Variants in LANCL2 observed in about 807,000 individuals in gnomAD.
The protein encoded by LANCL2 is lanC-like protein 2.
A neutral mutation model predicts 56.9 loss-of-function variants in LANCL2; 33 were observed. The observed-to-expected ratio is 0.58, with a 90% confidence interval of 0.44 to 0.78. LANCL2 has a LOEUF of 0.78. Among genes scored for constraint, LANCL2 ranks in the 30% least tolerant of loss-of-function variants. The pLI is 0.00. For missense variants in LANCL2, 562 were observed against 580.2 expected (o/e 0.97, Z 0.32); for synonymous variants, 233 against 228.2 (o/e 1.02, Z -0.19).
chr7:55,401,515 CTTTTTTTTTTTTT>C (rs58005456), intron 5 of LANCL2, among the ~76,000 whole-genome samples, 195 bp downstream of exon 5: 1,825 of 58,180 alleles, frequency 0.031, 51 homozygotes, highest in African/African-American at 0.12. Flanking sequence ...GGTATGGAGT[CTTTTTTTTTTTTT>C]TTTTTTTTTT....
intron 6 of LANCL2, among the ~76,000 whole-genome samples, chr7:55,423,428 T>C (rs1583766377): frequency 2.6e-5 from 4 of 152,250 alleles, no homozygotes; most frequent in Admixed American, 2.6e-4. Flanking sequence ...CTGGCCTCAC[T>C]GTGTGATTTC....
At chr7:55,393,655 A>G (rs897206606) in intron 2 of LANCL2, among the ~76,000 whole-genome samples, 2 of 152,168 alleles carry the variant, frequency 1.3e-5, no homozygotes, top group African/African-American at 4.8e-5. Context: ...TTATATTTAC[A>G]TTCATTTTTG....
At chr7:55,399,239 C>T (rs1271031788) in intron 3 of LANCL2, among the ~76,000 whole-genome samples, 1 of 147,904 alleles carries the variant, frequency 6.8e-6, no homozygotes, top group Non-Finnish European at 1.5e-5. Context: ...TGTCACTGCA[C>T]ACCAGCCAGG....
intron 3 of LANCL2, among the ~76,000 whole-genome samples, chr7:55,399,581 G>A (rs1790297316): frequency 6.6e-6 from 1 of 152,184 alleles, no homozygotes; most frequent in South Asian, 2.1e-4. Flanking sequence ...GACCTCAGGT[G>A]ATCCACCTAC....
At chr7:55,415,012 G>GGC (rs1790512008) in intron 6 of LANCL2, among the ~76,000 whole-genome samples, 1 of 119,004 alleles carries the variant, frequency 8.4e-6, no homozygotes, top group Non-Finnish European at 1.8e-5. Flanking sequence ...GAAAAGAAAA[G>GGC]AAAAAGGCAA....
chr7:55,403,311 C>T (rs1267007159), intron 5 of LANCL2, among the ~76,000 whole-genome samples: 7 of 152,210 alleles, frequency 4.6e-5, no homozygotes, highest in African/African-American at 7.2e-5. Context: ...GGCATGGCGG[C>T]GCGCGCCTGC....
At chr7:55,380,537 A>T (rs188103060) in intron 1 of LANCL2, among the ~76,000 whole-genome samples, 1 of 152,344 alleles carries the variant, frequency 6.6e-6, no homozygotes, top group Non-Finnish European at 1.5e-5. Context: ...TATAAAAAGC[A>T]ACTACTCAAA....
chr7:55,427,164 G>C (rs1790672797), intron 7 of LANCL2, among the ~76,000 whole-genome samples: 1 of 152,216 alleles, frequency 6.6e-6, no homozygotes, highest in African/African-American at 2.4e-5. Flanking sequence ...GAGAAAGTTA[G>C]TTCTTCCCTG....
Position 55,365,940 on chromosome 7 carries a change from G to T in LANCL2, c.-86G>T. The T allele has an allele frequency of 1.8e-6, 2 of 1,091,164 alleles. No individual in the cohort carries two copies. The highest frequency in any genetic ancestry group is 1.8e-5 in the South Asian group (1 of 54,186). 67.6% of individuals were successfully genotyped at this position (1,091,164 alleles called of 1,614,324 possible). On this transcript the variant is annotated 5_prime_UTR_variant, in exon 1 of 9. Coordinates refer to ENST00000254770, the MANE Select transcript of LANCL2 (RefSeq NM_018697.4). ...TCCTCCTAGAGGACGCTCTCTGCGC[G>T]GGCCCTCGGAGGAGGCGGCGGCGGG... is the stretch of plus-strand genomic sequence containing the variant.
intron 1 of LANCL2, among the ~76,000 whole-genome samples, chr7:55,373,206 CTT>C (rs10570215): frequency 0.17 from 25,332 of 152,054 alleles, 2,225 homozygotes; most frequent in Middle Eastern, 0.24. Context: ...TCCCACTTAA[CTT>C]TACTGCTTTC....
At chr7:55,377,736 C>T (rs1316699605) in intron 1 of LANCL2, among the ~76,000 whole-genome samples, 3 of 152,138 alleles carry the variant, frequency 2.0e-5, no homozygotes, top group African/African-American at 4.8e-5. Flanking sequence ...TGCCTACTCA[C>T]CATGTAGGAA....
intron 6 of LANCL2, among the ~76,000 whole-genome samples, chr7:55,422,759 C>G (rs1236583464): frequency 6.6e-6 from 1 of 152,178 alleles, no homozygotes; most frequent in Non-Finnish European, 1.5e-5. Context: ...CCAGAATATC[C>G]CTTTGTTTCT....
At chr7:55,416,631 C>A (rs150558596) in intron 6 of LANCL2, among the ~76,000 whole-genome samples, 6 of 151,998 alleles carry the variant, frequency 3.9e-5, no homozygotes, top group Admixed American at 6.6e-5. Flanking sequence ...TTATTTTTGT[C>A]TTTTTGCTAT....
intron 6 of LANCL2, among the ~76,000 whole-genome samples, chr7:55,412,567 G>T (rs1790483271): frequency 1.3e-5 from 2 of 152,102 alleles, no homozygotes; most frequent in South Asian, 4.1e-4. Context: ...ATACGTCTGG[G>T]GTACTATAGG....
chr7:55,371,820 A>G lies in LANCL2; in HGVS notation c.204+5591A>G, dbSNP rs140319486. 3.3e-4 allele frequency among the ~76,000 whole-genome samples: 51 copies of G among 152,310 alleles called. No homozygotes were observed. The East Asian group carries it at 9.3e-3, about 28-fold the overall frequency. On this transcript the variant is annotated intron_variant, in intron 1 of 8. Coordinates refer to ENST00000254770, the MANE Select transcript of LANCL2 (RefSeq NM_018697.4). ...GAAGCTTTAAAATTTGTTTAACCTC[A>G]TAATATATCATGGAAGCATAAGGAA...
intron 5 of LANCL2, among the ~76,000 whole-genome samples, chr7:55,406,946 T>C (rs2128994650): frequency 6.6e-6 from 1 of 152,246 alleles, no homozygotes; most frequent in South Asian, 2.1e-4. Flanking sequence ...AGGGGGACGG[T>C]GCCCACGAGA....
At chr7:55,384,639 A>C (rs531263304) in intron 1 of LANCL2, among the ~76,000 whole-genome samples, 2 of 152,316 alleles carry the variant, frequency 1.3e-5, no homozygotes, top group East Asian at 3.9e-4. Context: ...AAGAAGCCCA[A>C]ATCAAGACAA....
chr7:55,389,323 C>T (rs1790159955), intron 1 of LANCL2, among the ~76,000 whole-genome samples: 1 of 152,108 alleles, frequency 6.6e-6, no homozygotes, highest in South Asian at 2.1e-4. Flanking sequence ...CTTAGGTCAT[C>T]CTGCCAATGA....
intron 1 of LANCL2, among the ~76,000 whole-genome samples, chr7:55,380,894 G>C (rs1354479689): frequency 6.8e-6 from 1 of 146,878 alleles, no homozygotes; most frequent in East Asian, 2.0e-4. Context: ...TTTTGAGATG[G>C]TGTTTTGCTC....
Sources: gnomAD v4.1 joint callset for allele counts (sites outside exome capture counted in the v4.1 genomes callset) on GRCh38, gnomAD v4.1.1 for gene constraint, MANE v1.5 for transcripts, NCBI Gene and HGNC (gene_info 2026-07-23, HGNC 2026-07-21) for gene names.